Variants in DYRK1A observed in about 807,000 individuals in gnomAD.
DYRK1A encodes the protein dual specificity tyrosine phosphorylation regulated kinase 1A, also known as dual specificity tyrosine-phosphorylation-regulated kinase 1A.
Under a neutral mutation model 79.7 loss-of-function variants are expected in DYRK1A, and 9 were observed. That is an observed-to-expected ratio of 0.11 (90% CI 0.07 to 0.20). DYRK1A has a LOEUF of 0.20. Ranked by LOEUF, DYRK1A falls within the 10% of genes least tolerant of loss-of-function variation. The pLI is 1.00. For missense variants in DYRK1A, 622 were observed against 956.0 expected (o/e 0.65, Z 4.61); for synonymous variants, 349 against 329.7 (o/e 1.06, Z -0.63).
intron 1 of DYRK1A, among the ~76,000 whole-genome samples, chr21:37,377,106 A>C (rs1602360365): frequency 6.6e-6 from 1 of 152,062 alleles, no homozygotes; most frequent in Admixed American, 6.6e-5. Flanking sequence ...CAGTTTTGCA[A>C]CTTAAGCTTT....
intron 2 of DYRK1A, among the ~76,000 whole-genome samples, chr21:37,424,305 G>A (rs2050557412): frequency 6.6e-6 from 1 of 152,032 alleles, no homozygotes; most frequent in African/African-American, 2.4e-5. Context: ...TAGTGGATTT[G>A]CTTTTGCACT....
rs753493414 is a variant in DYRK1A, at chr21:37,377,273, CCA to C, written c.-77+9647_-77+9648del. ...TAGCTGGGACTACAGGCCCCTGCCA[CCA>C]CGCCCGGCTAATTTTTCGTATTTTT... On this transcript the variant is annotated intron_variant, in intron 1 of 11. Coordinates refer to ENST00000647188, the MANE Select transcript of DYRK1A (RefSeq NM_001347721.2). Among the ~76,000 whole-genome samples the C allele has an allele frequency of 5.3e-3, 810 of 152,266 alleles. 3 individuals carry two copies. The highest frequency in any genetic ancestry group is 9.1e-3 in the Non-Finnish European group (617 of 68,020).
At chr21:37,493,289 G>T in intron 8 of DYRK1A, 126 bp downstream of exon 8, 2 of 847,746 alleles carry the variant, frequency 2.4e-6, no homozygotes, top group South Asian at 4.2e-5. Flanking sequence ...TGTGAGGTCA[G>T]TTTGAATATA....
At chr21:37,416,910 C>T (rs1222056805) in intron 1 of DYRK1A, among the ~76,000 whole-genome samples, 2 of 152,088 alleles carry the variant, frequency 1.3e-5, no homozygotes, top group African/African-American at 2.4e-5. Context: ...TATTTTCTTC[C>T]AGCTTAAGAA....
intron 6 of DYRK1A, chr21:37,488,544 A>C: frequency 1.0e-6 from 1 of 980,486 alleles, no homozygotes; most frequent in Non-Finnish European, 1.2e-6. Context: ...AATTTAGTTG[A>C]AGTCTTCAAC....
chr21:37,483,202 G>C (rs541762879), intron 5 of DYRK1A, among the ~76,000 whole-genome samples: 1 of 152,164 alleles, frequency 6.6e-6, no homozygotes, highest in Non-Finnish European at 1.5e-5. Flanking sequence ...AAAGACAGGC[G>C]TAAGAAATTA....
intron 1 of DYRK1A, among the ~76,000 whole-genome samples, chr21:37,403,981 C>G (rs957113660): frequency 5.9e-5 from 9 of 151,940 alleles, no homozygotes; most frequent in Non-Finnish European, 1.0e-4. Flanking sequence ...CTGGGTTTTC[C>G]TGTGACTCTT....
At position 37,486,440 on chromosome 21, in the gene DYRK1A, T is replaced by C. The variant is rs1409844571; in HGVS notation, c.490-27T>C. On this transcript the variant is annotated intron_variant, in intron 5 of 11. Coordinates refer to ENST00000647188, the MANE Select transcript of DYRK1A (RefSeq NM_001347721.2). ...TGTGAAATTTTTGCAATTAATGAAA[T>C]AGAGAATTATTCATCTTCTCTTTTA... 2.8e-6 allele frequency: 4 copies of C among 1,405,832 alleles called. No homozygotes were observed. In the East Asian group the frequency reaches 1.1e-4, roughly 38 times the overall value. The allele number at this position is 1,405,832 out of a possible 1,614,324, so 87.1% of individuals were successfully genotyped here. A position where few individuals can be genotyped will look rare whatever the true frequency, so the allele number is the denominator to read the frequency against.
intron 5 of DYRK1A, chr21:37,481,090 T>C (rs1164516013): frequency 1.2e-5 from 4 of 334,474 alleles, no homozygotes; most frequent in African/African-American, 2.1e-5. Context: ...ACTTAATAGA[T>C]AGTATTGCCT....
At chr21:37,404,764 A>C (rs557990081) in intron 1 of DYRK1A, among the ~76,000 whole-genome samples, 1 of 152,318 alleles carries the variant, frequency 6.6e-6, no homozygotes, top group South Asian at 2.1e-4. Flanking sequence ...TTAAAGTGGA[A>C]ATAGCAGTAC....
chr21:37,471,784 G>T (rs781453653), intron 2 of DYRK1A, among the ~76,000 whole-genome samples: 1 of 152,176 alleles, frequency 6.6e-6, no homozygotes, highest in African/African-American at 2.4e-5. Flanking sequence ...GTTATGGTCG[G>T]TTGTGTTGTG....
At chr21:37,496,759 T>C (rs747864918) in intron 9 of DYRK1A, among the ~76,000 whole-genome samples, 116 of 152,210 alleles carry the variant, frequency 7.6e-4, no homozygotes, top group Non-Finnish European at 1.4e-3. Flanking sequence ...TTTGATAGAC[T>C]TCAGATTCCT....
At chr21:37,435,760 T>C (rs1406390377) in intron 2 of DYRK1A, among the ~76,000 whole-genome samples, 5 of 152,184 alleles carry the variant, frequency 3.3e-5, no homozygotes, top group African/African-American at 1.2e-4. Context: ...TTTAATAAAA[T>C]GTTGCAAGCT....
At position 37,466,390 on chromosome 21, in the gene DYRK1A, A is replaced by G. The variant is rs114961094; in HGVS notation, c.11-6294A>G. Among the ~76,000 whole-genome samples the G allele has an allele frequency of 1.9e-3, 297 of 152,358 alleles. 2 individuals carry two copies. The highest frequency in any genetic ancestry group is 6.9e-3 in the African/African-American group (285 of 41,580). ...TATATAAGGTAACTAAAAAATAAAA[A>G]TATGGGGAGATGATATAAAAAATTC... is the stretch of plus-strand genomic sequence containing the variant. On this transcript the variant is annotated intron_variant, in intron 2 of 11. Coordinates refer to ENST00000647188, the MANE Select transcript of DYRK1A (RefSeq NM_001347721.2).
At chr21:37,406,334 G>T (rs1200292867) in intron 1 of DYRK1A, among the ~76,000 whole-genome samples, 1 of 152,128 alleles carries the variant, frequency 6.6e-6, no homozygotes, top group African/African-American at 2.4e-5. Flanking sequence ...ACCAGAGATA[G>T]AAAAATTTCC....
At chr21:37,455,491 C>G (rs1168152815) in intron 2 of DYRK1A, among the ~76,000 whole-genome samples, 1 of 152,038 alleles carries the variant, frequency 6.6e-6, no homozygotes, top group South Asian at 2.1e-4. Context: ...TTTAAGTCAC[C>G]TCTTTTTTCC....
chr21:37,458,396 C>T (rs1025264151), intron 2 of DYRK1A, among the ~76,000 whole-genome samples: 2 of 151,438 alleles, frequency 1.3e-5, no homozygotes, highest in Non-Finnish European at 2.9e-5. Flanking sequence ...CTAAGTTGAA[C>T]TTTAACCACC....
intron 2 of DYRK1A, among the ~76,000 whole-genome samples, chr21:37,466,813 T>A (rs2052041024): frequency 6.6e-6 from 1 of 151,630 alleles, no homozygotes; most frequent in South Asian, 2.1e-4. Flanking sequence ...TAAAAAAAAA[T>A]ACCTATATAA....
rs927012997 is a variant in DYRK1A, at chr21:37,525,133, C to T, written c.*12602C>T. On this transcript the variant is annotated 3_prime_UTR_variant, in exon 12 of 12. Transcript: ENST00000647188. ...AAGTTGAGAAAACGAATTCAGTACA[C>T]CCTGAAGTGGAATCTGCTAAGATGT... The T allele has an allele frequency of 2.6e-5, 4 of 152,130 alleles. No homozygotes were observed. Among genetic ancestry groups the T allele is most frequent in the African/African-American group, 7.2e-5 (3 of 41,406 alleles). 9.4% of individuals were successfully genotyped at this position (152,130 alleles called of 1,614,324 possible). A position where few individuals can be genotyped will look rare whatever the true frequency, so the allele number is the denominator to read the frequency against.
Sources: allele counts gnomAD v4.1 joint callset (sites outside exome capture counted in the v4.1 genomes callset), GRCh38; gene constraint gnomAD v4.1.1; transcripts MANE v1.5; gene names NCBI Gene and HGNC (gene_info 2026-07-23, HGNC 2026-07-21).